The following SH3RF3 variants were observed in gnomAD, a reference collection of about 807,000 sequenced individuals.
SH3RF3 encodes the protein E3 ubiquitin-protein ligase SH3RF3.
In SH3RF3, 29 loss-of-function variants were observed where a neutral mutation model predicts 66.3. That is an observed-to-expected ratio of 0.44 (90% CI 0.33 to 0.60). SH3RF3 has a LOEUF of 0.60. Among genes scored for constraint, SH3RF3 ranks in the 20% least tolerant of loss-of-function variants. The pLI is 0.04. For missense variants in SH3RF3, 1,194 were observed against 1,190.9 expected, an observed-to-expected ratio of 1.00 and a Z score of -0.04; for synonymous variants, 583 against 532.0, an observed-to-expected ratio of 1.10 and a Z score of -1.32.
chr2:109,467,401 C>T (rs1263209164), intron 8 of SH3RF3, among the ~76,000 whole-genome samples: 3 of 152,192 alleles, frequency 2.0e-5, no homozygotes, highest in African/African-American at 7.2e-5. Flanking sequence ...TGGAGGGTCC[C>T]GTGTCTATAA....
intron 1 of SH3RF3, among the ~76,000 whole-genome samples, chr2:109,305,747 G>C (rs769896107): frequency 2.6e-5 from 4 of 152,226 alleles, no homozygotes; most frequent in Non-Finnish European, 5.9e-5. Flanking sequence ...ATTCCAGGCA[G>C]TGTTCTCTGC....
At chr2:109,219,306 A>G (rs368394801) in intron 1 of SH3RF3, among the ~76,000 whole-genome samples, 2 of 151,966 alleles carry the variant, frequency 1.3e-5, no homozygotes, top group African/African-American at 4.8e-5. Flanking sequence ...ATTTTGTGTA[A>G]TTACATAAGG....
chr2:109,218,161 A>AG (rs1276272138), intron 1 of SH3RF3, among the ~76,000 whole-genome samples: 1 of 152,116 alleles, frequency 6.6e-6, no homozygotes, highest in Non-Finnish European at 1.5e-5. Flanking sequence ...TATTAAAAAA[A>AG]AAAAATCCTG....
intron 2 of SH3RF3, among the ~76,000 whole-genome samples, chr2:109,350,322 A>G (rs1028148140): frequency 2.0e-5 from 3 of 152,178 alleles, no homozygotes; most frequent in African/African-American, 7.2e-5. Context: ...ATCTCCTGTT[A>G]CAGGATCTGT....
At chr2:109,157,450 C>G (rs530512112) in intron 1 of SH3RF3, among the ~76,000 whole-genome samples, 3 of 152,280 alleles carry the variant, frequency 2.0e-5, no homozygotes, top group East Asian at 1.9e-4. Context: ...CATTTTCAAT[C>G]TGTAAAAATA....
At chr2:109,212,768 C>T (rs556083017) in intron 1 of SH3RF3, among the ~76,000 whole-genome samples, 1 of 152,190 alleles carries the variant, frequency 6.6e-6, no homozygotes, top group Admixed American at 6.5e-5. Context: ...CTCCCCCACC[C>T]GTCAGTTCCC....
intron 3 of SH3RF3, among the ~76,000 whole-genome samples, chr2:109,391,688 T>C (rs556449495): frequency 6.6e-6 from 1 of 152,320 alleles, no homozygotes; most frequent in African/African-American, 2.4e-5. Flanking sequence ...AGTTTGGCAT[T>C]GTCCACAGGC....
At chr2:109,336,760 A>G (rs1442120436) in intron 1 of SH3RF3, among the ~76,000 whole-genome samples, 1 of 152,244 alleles carries the variant, frequency 6.6e-6, no homozygotes, top group Admixed American at 6.5e-5. Context: ...AAGTTGGCAA[A>G]GCGTTTTGTA....
At chr2:109,494,812 T>A (rs1286538962) in intron 9 of SH3RF3, among the ~76,000 whole-genome samples, 1 of 152,084 alleles carries the variant, frequency 6.6e-6, no homozygotes. Flanking sequence ...GTGCCCAGAC[T>A]CCTCCAGATC....
intron 1 of SH3RF3, among the ~76,000 whole-genome samples, chr2:109,241,180 TTACA>T (rs1224727706): frequency 1.3e-5 from 2 of 152,208 alleles, no homozygotes; most frequent in African/African-American, 4.8e-5. Context: ...AAGTTTGTAC[TTACA>T]TACCTCAAAA....
At chr2:109,426,337 T>C (rs1399986672) in intron 5 of SH3RF3, among the ~76,000 whole-genome samples, 1 of 152,236 alleles carries the variant, frequency 6.6e-6, no homozygotes, top group Non-Finnish European at 1.5e-5. Flanking sequence ...TTGTGATTCA[T>C]GGGAGGAGGT....
At chr2:109,196,985 AGTTT>A (rs1678518951) in intron 1 of SH3RF3, among the ~76,000 whole-genome samples, 1 of 152,172 alleles carries the variant, frequency 6.6e-6, no homozygotes, top group Non-Finnish European at 1.5e-5. Flanking sequence ...ACAGGTGCTT[AGTTT>A]GATTTCCCTT....
intron 3 of SH3RF3, among the ~76,000 whole-genome samples, chr2:109,389,813 G>A (rs539908697): frequency 1.3e-5 from 2 of 152,132 alleles, no homozygotes; most frequent in Non-Finnish European, 2.9e-5. Flanking sequence ...ATGCAGAAAT[G>A]CTTCCCTGAT....
intron 3 of SH3RF3, among the ~76,000 whole-genome samples, chr2:109,372,885 A>C (rs1683305837): frequency 6.6e-6 from 1 of 152,224 alleles, no homozygotes; most frequent in South Asian, 2.1e-4. Flanking sequence ...GTGTGCAGAT[A>C]CTTAAAGATG....
rs1257921504 is a variant in SH3RF3, at chr2:109,129,682, G to C, written c.142G>C (p.Glu48Gln). The C allele has an allele frequency of 2.0e-6, 3 of 1,524,570 alleles. No individual in the cohort carries two copies. Among genetic ancestry groups the C allele is most frequent in the Non-Finnish European group, 2.6e-6 (3 of 1,141,224 alleles). The allele number at this position is 1,524,570 out of a possible 1,614,324, so 94.4% of individuals were successfully genotyped here. A position where few individuals can be genotyped will look rare whatever the true frequency, so the allele number is the denominator to read the frequency against. The change falls in exon 1 of 10, where the codon GAG becomes CAG. Residue 48 changes from glutamate (E) to glutamine (Q), a missense_variant. Glu to Gln is a conservative substitution (Grantham distance 29, BLOSUM62 2). Transcript: ENST00000309415. Reference protein sequence around the residue: ...TAAGAGEDMDESSLLDLLECS... With the variant: ...TAAGAGEDMDQSSLLDLLECS... Reference sequence around the variant, plus strand: ...CGCGGGGGCGGGCGAGGACATGGACGAGTCGTCGCTGCTGGACCTGCTGGA... The same window carrying C: ...CGCGGGGGCGGGCGAGGACATGGACCAGTCGTCGCTGCTGGACCTGCTGGA...
At chr2:109,257,354 G>T (rs1368381172) in intron 1 of SH3RF3, among the ~76,000 whole-genome samples, 2 of 151,124 alleles carry the variant, frequency 1.3e-5, no homozygotes, top group Admixed American at 1.3e-4. Flanking sequence ...ATTGAGGAGG[G>T]AATGAAAGAA....
At chr2:109,451,063 G>C (rs1573262309) in intron 8 of SH3RF3, among the ~76,000 whole-genome samples, 2 of 152,300 alleles carry the variant, frequency 1.3e-5, no homozygotes, top group Middle Eastern at 3.4e-3. Flanking sequence ...GCAGACATGG[G>C]CCACACCAGG....
At chr2:109,259,125 T>C (rs930013836) in intron 1 of SH3RF3, among the ~76,000 whole-genome samples, 1 of 152,256 alleles carries the variant, frequency 6.6e-6, no homozygotes, top group Admixed American at 6.5e-5. Context: ...TCACATGTAA[T>C]AGCTGCAACA....
intron 2 of SH3RF3, among the ~76,000 whole-genome samples, chr2:109,364,793 A>G (rs1203016167): frequency 6.6e-6 from 1 of 152,166 alleles, no homozygotes; most frequent in Non-Finnish European, 1.5e-5. Context: ...TAAGGCTCTC[A>G]TAAAACCCCA....
Sources: allele counts gnomAD v4.1 joint callset (sites outside exome capture counted in the v4.1 genomes callset), GRCh38; gene constraint gnomAD v4.1.1; transcripts MANE v1.5; gene names NCBI Gene and HGNC (gene_info 2026-07-23, HGNC 2026-07-21).